The following STAC variants were observed in gnomAD, a reference collection of about 807,000 sequenced individuals.
The protein encoded by STAC is SH3 and cysteine-rich domain-containing protein.
Under a neutral mutation model 48.8 loss-of-function variants are expected in STAC, and 43 were observed. The ratio of observed to expected loss-of-function variants is 0.88; its 90% CI spans 0.69 to 1.14. The LOEUF is 1.14. STAC is among the 50% of genes most tolerant of loss of function. The pLI, the probability that STAC is intolerant of heterozygous loss-of-function variation, is 0.00. For missense variants in STAC, 497 were observed against 504.0 expected (o/e 0.99, Z 0.13); for synonymous variants, 193 against 179.5 (o/e 1.07, Z -0.60).
intron 10 of STAC, among the ~76,000 whole-genome samples, chr3:36,538,113 G>A (rs920089060): frequency 6.6e-6 from 1 of 152,102 alleles, no homozygotes; most frequent in Non-Finnish European, 1.5e-5. Flanking sequence ...CATATTTCAT[G>A]TCAAACTTTT....
chr3:36,486,620 C>T (rs1005716346), intron 5 of STAC, among the ~76,000 whole-genome samples: 40 of 152,282 alleles, frequency 2.6e-4, no homozygotes, highest in African/African-American at 9.1e-4. Context: ...TCCAGTTTTC[C>T]GTTTAGCTAC....
intron 2 of STAC, among the ~76,000 whole-genome samples, chr3:36,482,446 C>A (rs575510986): frequency 1.2e-4 from 18 of 152,320 alleles, no homozygotes; most frequent in African/African-American, 4.3e-4. Flanking sequence ...ATTTCATTAT[C>A]ATTCGCATCT....
chr3:36,457,914 C>T (rs139179480), intron 2 of STAC, among the ~76,000 whole-genome samples: 1,599 of 152,190 alleles, frequency 0.011, 89 homozygotes, highest in Admixed American at 0.084. Context: ...AAGCCAAGTG[C>T]GGGTGAGGGG....
intron 6 of STAC, among the ~76,000 whole-genome samples, chr3:36,494,180 AGCCACCT>A (rs1209485277): frequency 1.3e-4 from 19 of 149,618 alleles, no homozygotes; most frequent in Non-Finnish European, 2.4e-4. Flanking sequence ...AAAAAGAAAG[AGCCACCT>A]CGTAATCCAG....
chr3:36,492,759 A>G (rs1204442189), intron 5 of STAC, among the ~76,000 whole-genome samples: 1 of 152,222 alleles, frequency 6.6e-6, no homozygotes, highest in Non-Finnish European at 1.5e-5. Context: ...CCCATTCTCT[A>G]AAACTAATAT....
chr3:36,461,778 A>C (rs112519687), intron 2 of STAC, among the ~76,000 whole-genome samples: 5 of 152,164 alleles, frequency 3.3e-5, no homozygotes, highest in Non-Finnish European at 7.4e-5. Context: ...AGCAGAGCAT[A>C]CTTGGTGTCT....
intron 1 of STAC, among the ~76,000 whole-genome samples, chr3:36,435,543 T>A (rs1156731198): frequency 1.3e-5 from 2 of 152,088 alleles, no homozygotes; most frequent in East Asian, 1.9e-4. Context: ...ACTCCCTGGA[T>A]GCTACATTTC....
chr3:36,382,725 G>A (rs1699537587), intron 1 of STAC, among the ~76,000 whole-genome samples: 1 of 152,210 alleles, frequency 6.6e-6, no homozygotes, highest in Non-Finnish European at 1.5e-5. Context: ...GGAACGTGTG[G>A]TAAGGTAAGG....
chr3:36,475,134 A>G (rs1360421034), intron 2 of STAC, among the ~76,000 whole-genome samples: 2 of 152,160 alleles, frequency 1.3e-5, no homozygotes, highest in Admixed American at 1.3e-4. Flanking sequence ...AAGGGGAAAA[A>G]TCATGCTCAG....
intron 10 of STAC, among the ~76,000 whole-genome samples, chr3:36,537,132 T>C (rs1420909077): frequency 6.6e-6 from 1 of 152,196 alleles, no homozygotes; most frequent in Admixed American, 6.5e-5. Flanking sequence ...GAAGATAGTG[T>C]GGCAATTTCT....
intron 1 of STAC, among the ~76,000 whole-genome samples, chr3:36,417,316 C>T (rs1185738853): frequency 6.6e-6 from 1 of 152,134 alleles, no homozygotes; most frequent in Non-Finnish European, 1.5e-5. Flanking sequence ...TCTCTCTTTT[C>T]CTGTGTCCTT....
intron 2 of STAC, among the ~76,000 whole-genome samples, chr3:36,463,220 T>G (rs564856648): frequency 6.6e-6 from 1 of 152,318 alleles, no homozygotes; most frequent in South Asian, 2.1e-4. Context: ...AGAAGGGAAT[T>G]CTCTCAATGA....
At chr3:36,462,688 G>A (rs774323590) in intron 2 of STAC, among the ~76,000 whole-genome samples, 3 of 152,174 alleles carry the variant, frequency 2.0e-5, no homozygotes, top group Admixed American at 1.3e-4. Context: ...CTTGTCAAAT[G>A]TTGTTGATAG....
chr3:36,498,346 G>T (rs139079003), intron 6 of STAC, among the ~76,000 whole-genome samples: 28 of 152,234 alleles, frequency 1.8e-4, no homozygotes, highest in African/African-American at 6.5e-4. Context: ...TAGAACCAAA[G>T]AAATGTTAGG....
chr3:36,463,153 T>G (rs1470656975), intron 2 of STAC, among the ~76,000 whole-genome samples: 1 of 152,172 alleles, frequency 6.6e-6, no homozygotes, highest in Admixed American at 6.5e-5. Context: ...GGTTTCATTT[T>G]TAGTGCAACT....
chr3:36,514,348 G>C (rs537017540), intron 8 of STAC, among the ~76,000 whole-genome samples: 18 of 149,226 alleles, frequency 1.2e-4, no homozygotes, highest in African/African-American at 4.4e-4. Flanking sequence ...CACACACACA[G>C]GCACACTCTT....
chr3:36,387,657 T>C (rs907433236), intron 1 of STAC, among the ~76,000 whole-genome samples: 4 of 152,144 alleles, frequency 2.6e-5, no homozygotes, highest in Admixed American at 6.5e-5. Flanking sequence ...TTGTGGCATG[T>C]ATCAGAATTC....
intron 1 of STAC, among the ~76,000 whole-genome samples, chr3:36,387,522 A>G (rs1183578444): frequency 6.6e-6 from 1 of 151,762 alleles, no homozygotes; most frequent in African/African-American, 2.4e-5. Flanking sequence ...GGCAACTACC[A>G]TTTTCCTTTT....
chr3:36,504,515 G>A, intron 7 of STAC, 58 bp downstream of exon 7: 1 of 1,499,312 alleles, frequency 6.7e-7, no homozygotes, highest in Admixed American at 1.7e-5. Context: ...AGACCTGCAG[G>A]TCACCATCCA....
Sources: allele counts gnomAD v4.1 joint callset (sites outside exome capture counted in the v4.1 genomes callset), GRCh38; gene constraint gnomAD v4.1.1; transcripts MANE v1.5; gene names NCBI Gene and HGNC (gene_info 2026-07-23, HGNC 2026-07-21).